The following FBN2 variants were observed in gnomAD, a reference collection of about 807,000 sequenced individuals.
FBN2 encodes the protein fibrillin-2.
A neutral mutation model predicts 355.6 loss-of-function variants in FBN2; 105 were observed. The ratio of observed to expected loss-of-function variants is 0.30; its 90% CI spans 0.25 to 0.35. The LOEUF (loss-of-function observed/expected upper bound fraction) is 0.35. Ranked by LOEUF, FBN2 falls within the 10% of genes least tolerant of loss-of-function variation. The pLI is 1.00. For missense variants in FBN2, 3,280 were observed against 3,758.7 expected (o/e 0.87, Z 3.33); for synonymous variants, 1,350 against 1,301.2 (o/e 1.04, Z -0.81).
chr5:128,363,139 A>G (rs945820930), intron 18 of FBN2, among the ~76,000 whole-genome samples: 3 of 151,792 alleles, frequency 2.0e-5, no homozygotes, highest in Non-Finnish European at 4.4e-5. Context: ...CTGCATCACA[A>G]TTTTCTTTCT....
Position 128,334,773 on chromosome 5 carries a change from T to TGAAG in FBN2, c.4041_4044dup (p.Ile1349LeufsTer23). 1 of 1,613,920 alleles carries TGAAG rather than the reference T, an allele frequency of 6.2e-7. No individual in the cohort carries two copies. The highest frequency in any genetic ancestry group is 8.5e-7 in the Non-Finnish European group (1 of 1,179,760). On this transcript the variant is annotated frameshift_variant, in exon 31 of 65. Transcript: ENST00000262464. LOFTEE classifies it high-confidence loss of function. ...GAGTAACCCAGCTGACAGTGGCAAA[T>TGAAG]GAAGGATCCCTTTGTGTTCTCACAT...
rs768615186 is a variant in FBN2, at chr5:128,349,428, G to A, written c.2908C>T (p.Arg970Cys). 3.1e-6 allele frequency: 5 copies of A among 1,613,904 alleles called. No homozygotes were observed. Among genetic ancestry groups the A allele is most frequent in the Non-Finnish European group, 3.4e-6 (4 of 1,179,890 alleles). ...EVFPGVCPNG[R>C]CVNSKGSFHC... ...AAAGATCCCTTACTGTTGACACAGC[G>A]TCCATTTGGACAAACGCCAGGGAAC... Residue 970 changes from arginine to cysteine, a missense_variant, in exon 23 of 65, where the codon CGC becomes TGC. Coordinates refer to ENST00000262464, the MANE Select transcript of FBN2 (RefSeq NM_001999.4).
chr5:128,289,050 G>T, intron 52 of FBN2, 77 bp downstream of exon 52: 1 of 1,467,028 alleles, frequency 6.8e-7, no homozygotes, highest in Non-Finnish European at 9.5e-7. Context: ...ATCACCCAGG[G>T]TACCTGAGAG....
At chr5:128,496,212 T>C (rs1179638182) in intron 5 of FBN2, among the ~76,000 whole-genome samples, 1 of 151,926 alleles carries the variant, frequency 6.6e-6, no homozygotes, top group South Asian at 2.1e-4. Flanking sequence ...GATACCAAAA[T>C]CATACAAAGA....
At chr5:128,364,815 G>T in intron 17 of FBN2, 90 bp from the exon 18 acceptor site, 1 of 1,133,588 alleles carries the variant, frequency 8.8e-7, no homozygotes, top group African/African-American at 1.5e-5. Context: ...TTCAACATAT[G>T]AAGTGTTTAA....
chr5:128,462,927 G>A (rs1754597190), intron 6 of FBN2, among the ~76,000 whole-genome samples: 1 of 152,066 alleles, frequency 6.6e-6, no homozygotes, highest in African/African-American at 2.4e-5. Context: ...CACTGTTCTA[G>A]ATGTCTGAGA....
At chr5:128,391,839 G>T (rs142660927) in intron 11 of FBN2, among the ~76,000 whole-genome samples, 179 bp downstream of exon 11, 2 of 152,194 alleles carry the variant, frequency 1.3e-5, no homozygotes, top group East Asian at 3.9e-4. Flanking sequence ...AATTCTTAAA[G>T]TGATCTAGCT....
intron 6 of FBN2, among the ~76,000 whole-genome samples, chr5:128,456,023 A>AAAAAAAG (rs1554070903): frequency 6.9e-6 from 1 of 145,782 alleles, no homozygotes; most frequent in African/African-American, 2.5e-5. Flanking sequence ...AAAAAAAAAA[A>AAAAAAAG]GCAACTGCTG....
At position 128,287,450 on chromosome 5, in the gene FBN2, G is replaced by A; in HGVS notation, c.6758-20C>T. ...TGATATCTGACCAAAGGAATGGACA[G>A]GAATGTGCTCAGCCTAGAGTTCTAA... On this transcript the variant is annotated intron_variant, in intron 53 of 64. Coordinates refer to ENST00000262464, the MANE Select transcript of FBN2 (RefSeq NM_001999.4). 1 of 1,613,336 alleles carries A rather than the reference G, an allele frequency of 6.2e-7. No individual in the cohort carries two copies. Among genetic ancestry groups the A allele is most frequent in the Non-Finnish European group, 8.5e-7 (1 of 1,179,482 alleles).
chr5:128,438,584 T>C (rs1753835890), intron 7 of FBN2, among the ~76,000 whole-genome samples: 1 of 152,226 alleles, frequency 6.6e-6, no homozygotes, highest in Non-Finnish European at 1.5e-5. Flanking sequence ...GATGTGCATA[T>C]ATTGTCTACT....
chr5:128,288,998 G>T, intron 52 of FBN2, 129 bp downstream of exon 52: 1 of 894,620 alleles, frequency 1.1e-6, no homozygotes, highest in Non-Finnish European at 1.8e-6. Flanking sequence ...GGTGAAGAAG[G>T]TGCCACTACT....
At chr5:128,297,666 T>C (rs1749564153) in intron 48 of FBN2, among the ~76,000 whole-genome samples, 1 of 152,156 alleles carries the variant, frequency 6.6e-6, no homozygotes, top group South Asian at 2.1e-4. Context: ...AACCCCTGCC[T>C]TTTTTTGTTT....
chr5:128,280,166 T>G (rs372905007), intron 56 of FBN2, 26 bp downstream of exon 56: 13 of 1,598,700 alleles, frequency 8.1e-6, no homozygotes, highest in Non-Finnish European at 1.1e-5. Context: ...ATCTACCAAG[T>G]ATAATATATT....
chr5:128,326,335 A>T (rs754891968), intron 34 of FBN2, among the ~76,000 whole-genome samples: 4 of 152,170 alleles, frequency 2.6e-5, no homozygotes, highest in Non-Finnish European at 5.9e-5. Flanking sequence ...TCTGGGCTCT[A>T]TGTTGATGAA....
chr5:128,395,068 T>C, intron 9 of FBN2, 54 bp downstream of exon 9: 24 of 1,600,286 alleles, frequency 1.5e-5, no homozygotes, highest in Non-Finnish European at 2.0e-5. Context: ...ACAGTACTGC[T>C]ACTAATTTTC....
rs1756900841 is a variant in FBN2, at chr5:128,537,785, C to G, written c.-182G>C. On this transcript the variant is annotated 5_prime_UTR_variant, in exon 1 of 65. Coordinates refer to ENST00000262464, the MANE Select transcript of FBN2 (RefSeq NM_001999.4). ...ACAGAGCGCCGGCCCCCTGACTGCC[C>G]GCGAAGCGAGACGCGGGGCGCCGGG... 1 of 646,292 alleles carries G rather than the reference C, an allele frequency of 1.5e-6. No individual in the cohort carries two copies. Among genetic ancestry groups the G allele is most frequent in the Non-Finnish European group, 2.7e-6 (1 of 377,118 alleles). The allele number at this position is 646,292 out of a possible 1,614,324, so 40.0% of individuals were successfully genotyped here.
intron 7 of FBN2, among the ~76,000 whole-genome samples, chr5:128,429,495 G>A (rs1053269176): frequency 1.3e-5 from 2 of 152,058 alleles, no homozygotes; most frequent in African/African-American, 4.8e-5. Flanking sequence ...TTAAATTCCA[G>A]GTAGAAATAT....
intron 3 of FBN2, among the ~76,000 whole-genome samples, chr5:128,529,730 C>A (rs1335988614): frequency 6.6e-6 from 1 of 152,124 alleles, no homozygotes; most frequent in Admixed American, 6.5e-5. Flanking sequence ...AAGAGAGGTT[C>A]AGGTTAAGTT....
intron 23 of FBN2, among the ~76,000 whole-genome samples, chr5:128,348,041 C>T (rs1341190088): frequency 6.6e-6 from 1 of 152,090 alleles, no homozygotes; most frequent in African/African-American, 2.4e-5. Flanking sequence ...CCTGTCTCAG[C>T]CTCCCAAAGT....
Sources: gnomAD v4.1 joint callset for allele counts (sites outside exome capture counted in the v4.1 genomes callset) on GRCh38, gnomAD v4.1.1 for gene constraint, MANE v1.5 for transcripts, NCBI Gene and HGNC (gene_info 2026-07-23, HGNC 2026-07-21) for gene names.